SURF6: variants seen among roughly 807,000 people sequenced by gnomAD.
SURF6 encodes the protein surfeit locus protein 6.
A neutral mutation model predicts 37.5 loss-of-function variants in SURF6; 28 were observed. That is an observed-to-expected ratio of 0.75 (90% CI 0.55 to 1.02). The LOEUF (loss-of-function observed/expected upper bound fraction) is 1.02, where lower values mean the gene tolerates loss of function less well. Among genes scored for constraint, SURF6 ranks in the 50% least tolerant of loss-of-function variants. The pLI, the probability that SURF6 is intolerant of heterozygous loss-of-function variation, is 0.00. For missense variants in SURF6, 560 were observed against 490.5 expected, an observed-to-expected ratio of 1.14 and a Z score of -1.34; for synonymous variants, 248 against 210.9, an observed-to-expected ratio of 1.18 and a Z score of -1.52.
intron 3 of SURF6, 133 bp from the exon 4 acceptor site, chr9:133,332,893 T>A (rs1014500153): frequency 2.5e-6 from 2 of 799,824 alleles, no homozygotes; most frequent in African/African-American, 3.5e-5. Flanking sequence ...CCCGCGGAGT[T>A]CAATGTTCCA....
In SURF6 at chr9:133,331,887, C is replaced by G. The variant is rs969956815; in HGVS notation, c.1068G>C (p.Glu356Asp). The change falls in exon 5 of 5, where the codon GAG becomes GAC. Residue 356 changes from glutamate to aspartate, a missense_variant. Coordinates refer to ENST00000372022, the MANE Select transcript of SURF6 (RefSeq NM_006753.6). ...GAAAGACTCAGACCAGGCCTGCGCG[C>G]TCCAGGTCCTGCGGCAGGATGCGGC... ...KKGRILPQDL[E>D]RAGLV 1 of 1,522,842 alleles carries G rather than the reference C, an allele frequency of 6.6e-7. No homozygotes were observed. The highest frequency in any genetic ancestry group is 2.2e-4 in the Middle Eastern group (1 of 4,538). 94.3% of individuals were successfully genotyped at this position (1,522,842 alleles called of 1,614,324 possible).
chr9:133,332,937 AAG>A, intron 3 of SURF6, 177 bp from the exon 4 acceptor site: 4 of 624,520 alleles, frequency 6.4e-6, no homozygotes, highest in East Asian at 5.6e-5. Context: ...ATGACCCCAA[AAG>A]AGAGAAGGGA....
chr9:133,332,727 C>A lies in SURF6; in HGVS notation c.427G>T (p.Glu143Ter), dbSNP rs1835779427. The A allele has an allele frequency of 1.2e-6, 2 of 1,611,540 alleles. No individual in the cohort carries two copies. Among genetic ancestry groups the A allele is most frequent in the African/African-American group, 1.3e-5 (1 of 74,924 alleles). ...SAKELSPAAL[E>*]KRRRRKQERD... ...TCCTGCTTTCTCCGCCGCCTTTTCTCCAAGGCGGCAGGGGACAGCTCCTTG... is the reference window on the plus strand; with the variant it reads ...TCCTGCTTTCTCCGCCGCCTTTTCTACAAGGCGGCAGGGGACAGCTCCTTG... The change falls in exon 4 of 5, where the codon GAG becomes TAG. Residue 143 changes from glutamate (E) to a stop codon, truncating the protein, a stop_gained. Coordinates refer to ENST00000372022, the MANE Select transcript of SURF6 (RefSeq NM_006753.6). LOFTEE classifies it high-confidence loss of function.
rs1375572607 is a variant in SURF6 at position 133,331,839 on chromosome 9, C to T, written c.*30G>A. 8.0e-6 allele frequency: 12 copies of T among 1,496,248 alleles called. No homozygotes were observed. The highest frequency in any genetic ancestry group is 4.6e-5 in the East Asian group (2 of 43,260). 92.7% of individuals were successfully genotyped at this position (1,496,248 alleles called of 1,614,324 possible). A position where few individuals can be genotyped will look rare whatever the true frequency, so the allele number is the denominator to read the frequency against. On this transcript the variant is annotated 3_prime_UTR_variant, in exon 5 of 5. Transcript: ENST00000372022. ...GAGGGTGTCCTGGAGTCTCCTAGGA[C>T]GGAAGACGGCGGCCCCAGGTGGGAA...
intron 3 of SURF6, 179 bp from the exon 4 acceptor site, chr9:133,332,939 G>A (rs1338861915): frequency 1.1e-5 from 7 of 621,934 alleles, no homozygotes; most frequent in African/African-American, 1.1e-4. Context: ...GACCCCAAAA[G>A]AGAGAAGGGA....
In SURF6 at chr9:133,331,516, C is replaced by G; in HGVS notation, c.*353G>C. 1 of 257,612 alleles carries G rather than the reference C, an allele frequency of 3.9e-6. No homozygotes were observed. Among genetic ancestry groups the G allele is most frequent in the Non-Finnish European group, 7.3e-6 (1 of 137,096 alleles). The allele number at this position is 257,612 out of a possible 1,614,324, so 16.0% of individuals were successfully genotyped here. ...TTCTGTCCCGTGGCTCCTGCGAACA[C>G]AGGCAGTGGGGAACAGGCAGTGACT... is the stretch of plus-strand genomic sequence containing the variant. On this transcript the variant is annotated 3_prime_UTR_variant, in exon 5 of 5. Transcript: ENST00000372022.
In SURF6 at chr9:133,330,657, T is replaced by C. The variant is rs1334905397; in HGVS notation, c.*1212A>G. Reference sequence around the variant, plus strand: ...TGTTTTAAAAATTCCAAATATGAAATGCCACTGCACTCCAGCCTGAGTGAC... The same window carrying C: ...TGTTTTAAAAATTCCAAATATGAAACGCCACTGCACTCCAGCCTGAGTGAC... On this transcript the variant is annotated 3_prime_UTR_variant, in exon 5 of 5. Coordinates refer to ENST00000372022, the MANE Select transcript of SURF6 (RefSeq NM_006753.6). 3 of 151,874 alleles carry C rather than the reference T, an allele frequency of 2.0e-5. 1 individual carries two copies. Among genetic ancestry groups the C allele is most frequent in the South Asian group, 4.2e-4 (2 of 4,784 alleles). 9.4% of individuals were successfully genotyped at this position (151,874 alleles called of 1,614,324 possible).
In SURF6 at chr9:133,331,844, G is replaced by A; in HGVS notation, c.*25C>T. On this transcript the variant is annotated 3_prime_UTR_variant, in exon 5 of 5. Coordinates refer to ENST00000372022, the MANE Select transcript of SURF6 (RefSeq NM_006753.6). ...TGTCCTGGAGTCTCCTAGGACGGAAGACGGCGGCCCCAGGTGGGAAAGACT... is the reference window on the plus strand; with the variant it reads ...TGTCCTGGAGTCTCCTAGGACGGAAAACGGCGGCCCCAGGTGGGAAAGACT... 2.7e-6 allele frequency: 4 copies of A among 1,496,634 alleles called. No individual in the cohort carries two copies. The highest frequency in any genetic ancestry group is 3.5e-6 in the Non-Finnish European group (4 of 1,133,376). 92.7% of individuals were successfully genotyped at this position (1,496,634 alleles called of 1,614,324 possible).
At chr9:133,333,633 G>C (rs1042399956) in intron 3 of SURF6, 85 bp downstream of exon 3, 3 of 1,300,798 alleles carry the variant, frequency 2.3e-6, no homozygotes, top group Admixed American at 1.8e-5. Flanking sequence ...GGGGAGAACA[G>C]GGGCTACGGC....
At position 133,335,942 on chromosome 9, in the gene SURF6, AT is replaced by A. The variant is rs2129933123; in HGVS notation, c.94+96del. 3.9e-5 allele frequency: 37 copies of A among 939,782 alleles called. No homozygotes were observed. In the African/African-American group the frequency reaches 5.4e-4, roughly 14 times the overall value. 58.2% of individuals were successfully genotyped at this position (939,782 alleles called of 1,614,324 possible). Reference sequence around the variant, plus strand: ...GGCGATAATTTCACAAGTCACTTAGATTTTTTTTCTAGTACTTTACAGACTC... The same window carrying A: ...GGCGATAATTTCACAAGTCACTTAGATTTTTTTCTAGTACTTTACAGACTC... On this transcript the variant is annotated intron_variant, in intron 1 of 4. Coordinates refer to ENST00000372022, the MANE Select transcript of SURF6 (RefSeq NM_006753.6).
At position 133,330,048 on chromosome 9, in the gene SURF6, T is replaced by C. The variant is rs1349864778; in HGVS notation, c.*1821A>G. 1 of 152,240 alleles carries C rather than the reference T, an allele frequency of 6.6e-6. No individual in the cohort carries two copies. Among genetic ancestry groups the C allele is most frequent in the Non-Finnish European group, 1.5e-5 (1 of 68,032 alleles). 9.4% of individuals were successfully genotyped at this position (152,240 alleles called of 1,614,324 possible). On this transcript the variant is annotated 3_prime_UTR_variant, in exon 5 of 5. Coordinates refer to ENST00000372022, the MANE Select transcript of SURF6 (RefSeq NM_006753.6). ...TTACAACTCAGGCTTTCTATTACTT[T>C]TAGTCAGTTTTGGAGATTTTTCTTC... is the stretch of plus-strand genomic sequence containing the variant.
Position 133,331,692 on chromosome 9 carries a change from C to T in SURF6, c.*177G>A, listed in dbSNP as rs1835730492. 21 of 829,078 alleles carry T rather than the reference C, an allele frequency of 2.5e-5. No homozygotes were observed. Among genetic ancestry groups the T allele is most frequent in the Admixed American group, 3.9e-5 (1 of 25,558 alleles). 51.4% of individuals were successfully genotyped at this position (829,078 alleles called of 1,614,324 possible). On this transcript the variant is annotated 3_prime_UTR_variant, in exon 5 of 5. Transcript: ENST00000372022. The stretch of plus-strand genomic sequence containing the variant: ...TTCAAGGATGACGCTGAAACTCTCT[C>T]TTTCTCACATGGGATCTGTGATCTG...
At chr9:133,335,960 T>G in intron 1 of SURF6, 79 bp downstream of exon 1, 2 of 1,159,622 alleles carry the variant, frequency 1.7e-6, no homozygotes, top group South Asian at 2.7e-5. Context: ...TCTAGTACTT[T>G]ACAGACTCGT....
rs201847335 is a variant in SURF6, at chr9:133,336,106, G to C, written c.27C>G (p.Ala9=). 1 of 1,612,632 alleles carries C rather than the reference G, an allele frequency of 6.2e-7. No individual in the cohort carries two copies. The highest frequency in any genetic ancestry group is 1.3e-5 in the African/African-American group (1 of 74,946). Reference sequence around the variant, plus strand: ...TCTTCTTGGCCAGGCTCTGCAGGTAGGCGTCCTTGGCGAGTAGAGAGGCCA... The same window carrying C: ...TCTTCTTGGCCAGGCTCTGCAGGTACGCGTCCTTGGCGAGTAGAGAGGCCA... MASLLAKD[A]YLQSLAKKIC... The change falls in exon 1 of 5, where the codon GCC becomes GCG. Residue 9 remains alanine (A), a synonymous_variant. Transcript: ENST00000372022.
At chr9:133,335,086 AG>A (rs1192889059) in intron 1 of SURF6, among the ~76,000 whole-genome samples, 1 of 152,144 alleles carries the variant, frequency 6.6e-6, no homozygotes, top group Non-Finnish European at 1.5e-5. Context: ...CAGCCTCCGG[AG>A]TAGCTGGGAC....
intron 2 of SURF6, among the ~76,000 whole-genome samples, chr9:133,334,190 C>G (rs1835816360): frequency 6.6e-6 from 1 of 152,196 alleles, no homozygotes; most frequent in Admixed American, 6.5e-5. Flanking sequence ...TGACATCCTG[C>G]TAGCCATGTG....
At position 133,332,363 on chromosome 9, in the gene SURF6, T is replaced by C; in HGVS notation, c.607-15A>G. On this transcript the variant is annotated splice_polypyrimidine_tract_variant and intron_variant, in intron 4 of 4. Coordinates refer to ENST00000372022, the MANE Select transcript of SURF6 (RefSeq NM_006753.6). ...CTCACCTCCACCTGGGAGGAAGGTA[T>C]GACATCAGCTCATGCCAGCCCTGCA... The C allele has an allele frequency of 6.4e-7, 1 of 1,563,722 alleles. No individual in the cohort carries two copies. Among genetic ancestry groups the C allele is most frequent in the Non-Finnish European group, 8.6e-7 (1 of 1,157,962 alleles).
intron 2 of SURF6, among the ~76,000 whole-genome samples, chr9:133,334,171 C>A (rs1275923473): frequency 6.6e-6 from 1 of 152,204 alleles, no homozygotes; most frequent in African/African-American, 2.4e-5. Flanking sequence ...GAGACACAGC[C>A]TTGCCCCCTG....
chr9:133,333,549 G>A (rs1374084801), intron 3 of SURF6, among the ~76,000 whole-genome samples, 169 bp downstream of exon 3: 2 of 152,176 alleles, frequency 1.3e-5, no homozygotes, highest in Non-Finnish European at 2.9e-5. Flanking sequence ...ATGAGCTTGG[G>A]GACTGAGGTT....
Sources: allele counts gnomAD v4.1 joint callset (sites outside exome capture counted in the v4.1 genomes callset), GRCh38; gene constraint gnomAD v4.1.1; transcripts MANE v1.5; gene names NCBI Gene and HGNC (gene_info 2026-07-23, HGNC 2026-07-21).